Variants in GRM7 observed in about 807,000 individuals in gnomAD.
GRM7 encodes metabotropic glutamate receptor 7.
In GRM7, 35 loss-of-function variants were observed where a neutral mutation model predicts 84.5. The observed-to-expected ratio is 0.41, with a 90% CI of 0.32 to 0.55. The LOEUF is 0.55. Among genes scored for constraint, GRM7 ranks in the 20% least tolerant of loss-of-function variants. GRM7 has a pLI of 0.19. For missense variants in GRM7, 1,003 were observed against 1,194.6 expected (o/e 0.84, Z 2.36); for synonymous variants, 487 against 455.1 (o/e 1.07, Z -0.89).
At chr3:6,966,181 T>G (rs550510110) in intron 1 of GRM7, among the ~76,000 whole-genome samples, 1 of 152,362 alleles carries the variant, frequency 6.6e-6, no homozygotes, top group Non-Finnish European at 1.5e-5. Flanking sequence ...ATGGAATTTT[T>G]TTTATACTTC....
chr3:7,175,849 T>C (rs1399969287), intron 2 of GRM7, among the ~76,000 whole-genome samples: 1 of 152,124 alleles, frequency 6.6e-6, no homozygotes, highest in African/African-American at 2.4e-5. Context: ...AAATTTTGCA[T>C]TTTATTAATA....
At chr3:7,645,544 C>G (rs1559460970) in intron 8 of GRM7, among the ~76,000 whole-genome samples, 1 of 74,518 alleles carries the variant, frequency 1.3e-5, no homozygotes, top group African/African-American at 7.5e-5. Context: ...AAGACTCCAT[C>G]TTAAAAAAAA....
At chr3:7,623,550 G>C (rs1221799851) in intron 8 of GRM7, among the ~76,000 whole-genome samples, 1 of 152,110 alleles carries the variant, frequency 6.6e-6, no homozygotes, top group East Asian at 1.9e-4. Context: ...ACACAAAGAA[G>C]CAATGAAGTT....
chr3:6,979,089 A>G (rs1011043539), intron 1 of GRM7, among the ~76,000 whole-genome samples: 1 of 152,154 alleles, frequency 6.6e-6, no homozygotes. Context: ...AACCTCTTTC[A>G]TTGATCAGTA....
chr3:7,392,130 G>A lies in GRM7; in HGVS notation c.1034-22893G>A, dbSNP rs572095162. Among the ~76,000 whole-genome samples the A allele has an allele frequency of 4.6e-5, 7 of 152,156 alleles. No individual in the cohort carries two copies. In the East Asian group the frequency reaches 1.2e-3, roughly 25 times the overall value. ...TTTGAACTGAGGAGTAGATCTCCAG[G>A]TAAGTGGACTGTGCTTCCCTTCTGC... On this transcript the variant is annotated intron_variant, in intron 4 of 9. Transcript: ENST00000357716.
At chr3:7,269,133 C>T (rs1291446257) in intron 2 of GRM7, among the ~76,000 whole-genome samples, 1 of 152,196 alleles carries the variant, frequency 6.6e-6, no homozygotes, top group Admixed American at 6.5e-5. Context: ...AGGCTGTGCT[C>T]AAAGCAAGGC....
At chr3:7,544,505 T>C (rs906940911) in intron 7 of GRM7, among the ~76,000 whole-genome samples, 1 of 152,188 alleles carries the variant, frequency 6.6e-6, no homozygotes, top group Non-Finnish European at 1.5e-5. Flanking sequence ...TCTGACTTAC[T>C]GGATGGGAGA....
chr3:6,925,527 G>A (rs1187117925), intron 1 of GRM7, among the ~76,000 whole-genome samples: 2 of 152,126 alleles, frequency 1.3e-5, no homozygotes, highest in Admixed American at 6.6e-5. Context: ...AGGTTATGTT[G>A]TCATATCATT....
At chr3:7,424,513 C>T (rs964346194) in intron 5 of GRM7, among the ~76,000 whole-genome samples, 2 of 152,074 alleles carry the variant, frequency 1.3e-5, no homozygotes, top group African/African-American at 4.8e-5. Flanking sequence ...GTAAGTAATG[C>T]CCTGTTTTTA....
At chr3:7,737,824 G>A (rs1209580820) in intron 9 of GRM7, among the ~76,000 whole-genome samples, 2 of 151,480 alleles carry the variant, frequency 1.3e-5, no homozygotes, top group African/African-American at 2.4e-5. Flanking sequence ...CAGTGCACCA[G>A]GTAAAAATTA....
chr3:7,257,242 G>C (rs1213329581), intron 2 of GRM7, among the ~76,000 whole-genome samples: 1 of 152,192 alleles, frequency 6.6e-6, no homozygotes, highest in Non-Finnish European at 1.5e-5. Flanking sequence ...TGTGTTCCTA[G>C]AAGGAAGTAT....
At chr3:7,519,962 T>G (rs1405231511) in intron 7 of GRM7, 1 of 152,240 alleles carries the variant, frequency 6.6e-6, no homozygotes, top group South Asian at 2.1e-4. Flanking sequence ...TCTATCAGTC[T>G]AGGCTGGTTC....
chr3:7,722,001 C>T (rs1479798929), intron 9 of GRM7, among the ~76,000 whole-genome samples: 1 of 152,176 alleles, frequency 6.6e-6, no homozygotes, highest in African/African-American at 2.4e-5. Context: ...TTGACAGATT[C>T]CTTTTTCAAT....
At chr3:7,669,638 G>A (rs776979406) in intron 8 of GRM7, among the ~76,000 whole-genome samples, 4 of 152,204 alleles carry the variant, frequency 2.6e-5, no homozygotes, top group African/African-American at 7.2e-5. Flanking sequence ...GAGGAGGTCA[G>A]GGGATAGAAG....
rs1258084677 is a variant in GRM7, at chr3:7,708,129, C to CT, written c.2698+27844dup. Among the ~76,000 whole-genome samples, 671 of 148,062 alleles carry CT rather than the reference C, an allele frequency of 4.5e-3. 9 individuals are homozygous for CT. The highest frequency in any genetic ancestry group is 0.025 in the Middle Eastern group (7 of 282). ...TGTCATTTTATTTGCCTCTCCAAAT[C>CT]TTTTTTTTTTCTCTTTTTACTTTCA... On this transcript the variant is annotated intron_variant, in intron 9 of 9. Coordinates refer to ENST00000357716, the MANE Select transcript of GRM7 (RefSeq NM_000844.4).
intron 2 of GRM7, among the ~76,000 whole-genome samples, chr3:7,226,121 C>G (rs1344406352): frequency 6.6e-6 from 1 of 152,138 alleles, no homozygotes; most frequent in Non-Finnish European, 1.5e-5. Context: ...AAGTATGTAG[C>G]AGAATATGAA....
chr3:7,601,317 C>A (rs1404326158), intron 8 of GRM7, among the ~76,000 whole-genome samples: 4 of 152,118 alleles, frequency 2.6e-5, no homozygotes. Context: ...ACAGCTTTCA[C>A]CACATTTCCA....
intron 1 of GRM7, among the ~76,000 whole-genome samples, chr3:7,064,240 A>G (rs1559415107): frequency 6.8e-6 from 1 of 147,826 alleles, no homozygotes; most frequent in Admixed American, 6.8e-5. Flanking sequence ...GCCCCTTCCC[A>G]CTCTTCCCCC....
At chr3:6,952,028 G>C (rs1044892581) in intron 1 of GRM7, among the ~76,000 whole-genome samples, 1 of 151,128 alleles carries the variant, frequency 6.6e-6, no homozygotes, top group Admixed American at 6.6e-5. Context: ...TTTTTAACTG[G>C]TGATTATTGA....
Sources: gnomAD v4.1 joint callset for allele counts (sites outside exome capture counted in the v4.1 genomes callset) on GRCh38, gnomAD v4.1.1 for gene constraint, MANE v1.5 for transcripts, NCBI Gene and HGNC (gene_info 2026-07-23, HGNC 2026-07-21) for gene names.